The following OSGEPL1 variants were observed in gnomAD, a reference collection of about 807,000 sequenced individuals.
OSGEPL1 encodes the protein O-sialoglycoprotein endopeptidase like 1, also known as tRNA N6-adenosine threonylcarbamoyltransferase, mitochondrial.
Under a neutral mutation model 37.2 loss-of-function variants are expected in OSGEPL1, and 26 were observed. The observed-to-expected ratio is 0.70, with a 90% confidence interval of 0.51 to 0.97. OSGEPL1 has a LOEUF of 0.97. Among genes scored for constraint, OSGEPL1 ranks in the 50% least tolerant of loss-of-function variants. OSGEPL1 has a pLI of 0.00. For missense variants in OSGEPL1, 404 were observed against 487.0 expected (o/e 0.83, Z 1.60); for synonymous variants, 140 against 159.9 (o/e 0.88, Z 0.94).
chr2:189,748,329 G>A (rs951693726), intron 8 of OSGEPL1, among the ~76,000 whole-genome samples: 9 of 152,224 alleles, frequency 5.9e-5, no homozygotes, highest in Admixed American at 5.9e-4. Context: ...TCAGCCTCCT[G>A]AGTGGCTAGG....
chr2:189,754,445 C>T, intron 3 of OSGEPL1, 100 bp from the exon 4 acceptor site: 1 of 1,109,956 alleles, frequency 9.0e-7, no homozygotes, highest in Non-Finnish European at 1.3e-6. Flanking sequence ...AACAAAAAAC[C>T]CCTGAATGAA....
In OSGEPL1 at chr2:189,750,586, C is replaced by T. The variant is rs1283110082; in HGVS notation, c.1237G>A (p.Glu413Lys). 1 of 1,570,794 alleles carries T rather than the reference C, an allele frequency of 6.4e-7. No individual in the cohort carries two copies. The highest frequency in any genetic ancestry group is 2.3e-5 in the East Asian group (1 of 44,000). ...ASIKVPQLKM[E>K]I ...TTTTTGAACAGCAGAAATCATATCT[C>T]CATTTTTAATTGTGGTACTTTTATG... Residue 413 changes from glutamate (E) to lysine (K), a missense_variant, in exon 8 of 9, where the codon GAG becomes AAG. Glu to Lys is a moderately conservative substitution (Grantham distance 56). Coordinates refer to ENST00000264151, the MANE Select transcript of OSGEPL1 (RefSeq NM_022353.3).
At chr2:189,761,905 G>A (rs2047119874) in intron 1 of OSGEPL1, among the ~76,000 whole-genome samples, 1 of 152,078 alleles carries the variant, frequency 6.6e-6, no homozygotes. Flanking sequence ...CCTACCAAAA[G>A]ACTTACTATT....
Position 189,750,681 on chromosome 2 carries a change from A to G in OSGEPL1, c.1167-25T>C, listed in dbSNP as rs1553539132. 4 of 1,538,752 alleles carry G rather than the reference A, an allele frequency of 2.6e-6. No homozygotes were observed. In the African/African-American group the frequency reaches 5.5e-5, roughly 21 times the overall value. On this transcript the variant is annotated intron_variant, in intron 7 of 8. Transcript: ENST00000264151. Reference sequence around the variant, plus strand: ...TCTACATCATAAGCAGACAAATCGTATTATTTATTTGCTTCATGATCCATC... The same window carrying G: ...TCTACATCATAAGCAGACAAATCGTGTTATTTATTTGCTTCATGATCCATC...
Position 189,760,406 on chromosome 2 carries a change from G to A in OSGEPL1, c.221+1014C>T, listed in dbSNP as rs1389223540. ...GGCGCCCCCACCTCCCAGACGGGGCGGCTGCTGGGCGGGGGCGCCCCCCAC... is the reference window on the plus strand; with the variant it reads ...GGCGCCCCCACCTCCCAGACGGGGCAGCTGCTGGGCGGGGGCGCCCCCCAC... On this transcript the variant is annotated intron_variant, in intron 2 of 8. Transcript: ENST00000264151. 3.9e-5 allele frequency among the ~76,000 whole-genome samples: 6 copies of A among 152,112 alleles called. No individual in the cohort carries two copies. The East Asian group carries it at 5.8e-4, about 15-fold the overall frequency.
chr2:189,751,294 T>C (rs2045157457), intron 7 of OSGEPL1, among the ~76,000 whole-genome samples: 1 of 152,160 alleles, frequency 6.6e-6, no homozygotes, highest in African/African-American at 2.4e-5. Flanking sequence ...GGGGCATAAC[T>C]GAATCAGAGG....
rs2045916509 is a variant in OSGEPL1, at chr2:189,755,162, T to C, written c.609+11A>G. On this transcript the variant is annotated intron_variant, in intron 3 of 8. Transcript: ENST00000264151. ...TAACAAAAAAGAATGGAGAAATTAATTCTTAATTACCTTGTCAAGCATGTC... is the reference window on the plus strand; with the variant it reads ...TAACAAAAAAGAATGGAGAAATTAACTCTTAATTACCTTGTCAAGCATGTC... 1 of 1,591,228 alleles carries C rather than the reference T, an allele frequency of 6.3e-7. No homozygotes were observed. Among genetic ancestry groups the C allele is most frequent in the Admixed American group, 1.9e-5 (1 of 51,888 alleles).
Position 189,762,791 on chromosome 2 carries a change from A to G in OSGEPL1, c.-127T>C. ...AGCCCGAACCTGGCGCCCGGAAGTG[A>G]TGTCATCGGAACTGTGCAAGGTCCC... is the stretch of plus-strand genomic sequence containing the variant. On this transcript the variant is annotated 5_prime_UTR_variant, in exon 1 of 9. Coordinates refer to ENST00000264151, the MANE Select transcript of OSGEPL1 (RefSeq NM_022353.3). 1.0e-6 allele frequency: 1 copy of G among 985,454 alleles called. No individual in the cohort carries two copies. The highest frequency in any genetic ancestry group is 1.2e-6 in the Non-Finnish European group (1 of 830,060). The allele number at this position is 985,454 out of a possible 1,614,324, so 61.0% of individuals were successfully genotyped here.
intron 7 of OSGEPL1, among the ~76,000 whole-genome samples, chr2:189,751,883 C>T (rs1402934204): frequency 1.3e-5 from 2 of 151,690 alleles, no homozygotes; most frequent in Admixed American, 1.3e-4. Flanking sequence ...TGGTGGCTCA[C>T]ACCTGTCATC....
chr2:189,762,611 C>A (rs936540912), intron 1 of OSGEPL1, 74 bp downstream of exon 1: 1 of 985,448 alleles, frequency 1.0e-6, no homozygotes, highest in South Asian at 4.7e-5. Flanking sequence ...AAGGCGGCGA[C>A]GGGCGCAAAC....
At position 189,751,828 on chromosome 2, in the gene OSGEPL1, G is replaced by GTATT. The variant is rs1181719434; in HGVS notation, c.1166+824_1166+825insAATA. On this transcript the variant is annotated intron_variant, in intron 7 of 8. Coordinates refer to ENST00000264151, the MANE Select transcript of OSGEPL1 (RefSeq NM_022353.3). ...AAAATAATTGTCTTTTACTATTCCA[G>GTATT]AATTAAAACAGAATTTGATAGTAAT... is the stretch of plus-strand genomic sequence containing the variant. 1.2e-3 allele frequency among the ~76,000 whole-genome samples: 6 copies of GTATT among 5,074 alleles called. No individual in the cohort carries two copies. The East Asian group carries it at 0.11, about 94-fold the overall frequency. The allele number at this position is 5,074 out of a possible 152,430, so 3.3% of individuals were successfully genotyped here. A position where few individuals can be genotyped will look rare whatever the true frequency, so the allele number is the denominator to read the frequency against.
chr2:189,748,403 C>T (rs2044503691), intron 8 of OSGEPL1, among the ~76,000 whole-genome samples: 1 of 152,032 alleles, frequency 6.6e-6, no homozygotes, highest in Non-Finnish European at 1.5e-5. Context: ...CCTAGCTACT[C>T]AGGAAGCTGA....
rs763636471 is a variant in OSGEPL1, at chr2:189,761,642, C to T, written c.-2G>A. The T allele has an allele frequency of 1.3e-6, 2 of 1,575,176 alleles. No homozygotes were observed. The highest frequency in any genetic ancestry group is 1.7e-6 in the Non-Finnish European group (2 of 1,165,664). ...TGCAGTCTTAGTCAAGATTAGCATA[C>T]TTACTCTATAGATAATTCCTGAAAA... On this transcript the variant is annotated 5_prime_UTR_variant, in exon 2 of 9. Coordinates refer to ENST00000264151, the MANE Select transcript of OSGEPL1 (RefSeq NM_022353.3).
intron 2 of OSGEPL1, among the ~76,000 whole-genome samples, chr2:189,760,590 A>T (rs955686987): frequency 7.9e-5 from 12 of 152,224 alleles, no homozygotes; most frequent in African/African-American, 2.9e-4. Flanking sequence ...CAGGAGATTG[A>T]GACCATCCTG....
intron 3 of OSGEPL1, 74 bp downstream of exon 3, chr2:189,755,099 G>T: frequency 6.6e-7 from 1 of 1,513,936 alleles, no homozygotes; most frequent in Non-Finnish European, 8.9e-7. Context: ...GTGAATGGTG[G>T]TAGCACATCT....
chr2:189,754,620 T>C, intron 3 of OSGEPL1: 1 of 395,174 alleles, frequency 2.5e-6, no homozygotes, highest in Non-Finnish European at 4.5e-6. Context: ...CAATAACTGC[T>C]TAATGATGAA....
chr2:189,761,882 C>T (rs1422034136), intron 1 of OSGEPL1, among the ~76,000 whole-genome samples: 1 of 152,104 alleles, frequency 6.6e-6, no homozygotes, highest in Non-Finnish European at 1.5e-5. Flanking sequence ...ATTATTATTA[C>T]TTGCATGCTG....
rs1412675042 is a variant in OSGEPL1 at position 189,754,297 on chromosome 2, T to C, written c.658A>G (p.Ser220Gly). The change falls in exon 4 of 9, where the codon AGT becomes GGT. Residue 220 changes from serine (S) to glycine (G), a missense_variant. Coordinates refer to ENST00000264151, the MANE Select transcript of OSGEPL1 (RefSeq NM_022353.3). ...LIKHPECSTM[S>G]GGKAIEHLAK... ...AAATGTTCTATGGCTTTCCCACCAC[T>C]CATGGTGGAGCACTCTGGATGTTTT... The C allele has an allele frequency of 6.2e-7, 1 of 1,613,782 alleles. No individual in the cohort carries two copies. The highest frequency in any genetic ancestry group is 1.3e-5 in the African/African-American group (1 of 75,048).
chr2:189,758,092 A>G (rs1267851294), intron 2 of OSGEPL1, among the ~76,000 whole-genome samples: 1 of 152,064 alleles, frequency 6.6e-6, no homozygotes, highest in Non-Finnish European at 1.5e-5. Flanking sequence ...CTTGTTGTTT[A>G]AAAGTGTGGG....
Sources: gnomAD v4.1 joint callset for allele counts (sites outside exome capture counted in the v4.1 genomes callset) on GRCh38, gnomAD v4.1.1 for gene constraint, MANE v1.5 for transcripts, NCBI Gene and HGNC (gene_info 2026-07-23, HGNC 2026-07-21) for gene names.